TFDP1: variants seen among roughly 807,000 people sequenced by gnomAD.
TFDP1 encodes transcription factor Dp-1, also known as DRTF1-polypeptide 1.
A neutral mutation model predicts 48.0 loss-of-function variants in TFDP1; 6 were observed. The ratio of observed to expected loss-of-function variants is 0.13; its 90% CI spans 0.07 to 0.25. The LOEUF is 0.25. Among genes scored for constraint, TFDP1 ranks in the 10% least tolerant of loss-of-function variants. The probability of loss-of-function intolerance (pLI) is 1.00; values close to 1 mark genes in which losing one functional copy is unlikely to be tolerated. For missense variants in TFDP1, 335 were observed against 543.0 expected (o/e 0.62, Z 3.81); for synonymous variants, 201 against 211.6 (o/e 0.95, Z 0.44).
chr13:113,616,975 G>A (rs991079314), intron 3 of TFDP1, among the ~76,000 whole-genome samples: 2 of 152,196 alleles, frequency 1.3e-5, no homozygotes, highest in Non-Finnish European at 2.9e-5. Flanking sequence ...TTCTGTGGCC[G>A]TAACCCTTGT....
chr13:113,636,275 G>A, intron 9 of TFDP1, 147 bp downstream of exon 9: 1 of 1,203,216 alleles, frequency 8.3e-7, no homozygotes, highest in South Asian at 1.5e-5. Flanking sequence ...GGTGGTGGGA[G>A]GCTGCCGCCA....
Position 113,623,193 on chromosome 13 carries a change from C to T in TFDP1, c.93C>T (p.Leu31=), listed in dbSNP as rs376309894. The T allele has an allele frequency of 1.9e-5, 31 of 1,613,166 alleles. No homozygotes were observed. The highest frequency in any genetic ancestry group is 1.6e-4 in the East Asian group (7 of 44,830). Residue 31 remains leucine, a synonymous_variant, in exon 4 of 12, where the codon CTC becomes CTT. Coordinates refer to ENST00000375370, the MANE Select transcript of TFDP1 (RefSeq NM_007111.5). This position sits in a 1 kb window ranked among gnomAD's most constrained non-coding sequence, Gnocchi z 5.2. ...NLSPGKGVVS[L]VAVHPSTVNP... The stretch of plus-strand genomic sequence containing the variant: ...CTTGTGTTGCAGGCGTGGTGTCCCT[C>T]GTGGCCGTTCACCCCTCCACCGTCA...
At chr13:113,614,162 GTT>G (rs1491504577) in intron 3 of TFDP1, among the ~76,000 whole-genome samples, 9 of 151,782 alleles carry the variant, frequency 5.9e-5, no homozygotes, top group Admixed American at 3.9e-4. Context: ...ATGTGTGTGT[GTT>G]GTGTGCATGA....
intron 2 of TFDP1, among the ~76,000 whole-genome samples, chr13:113,589,390 A>G (rs1258633533): frequency 3.3e-5 from 5 of 152,114 alleles, no homozygotes; most frequent in Non-Finnish European, 4.4e-5. Flanking sequence ...GATCAAGATT[A>G]TGGGCTGCTC....
chr13:113,611,079 T>G lies in TFDP1; in HGVS notation c.79+17T>G. The G allele has an allele frequency of 6.2e-7, 1 of 1,609,296 alleles. No individual in the cohort carries two copies. The highest frequency in any genetic ancestry group is 8.5e-7 in the Non-Finnish European group (1 of 1,175,612). ...CCGGGAAAGGTAAGGGCACCTGTTC[T>G]GGACACACTCTTGTGTTGATGAATG... On this transcript the variant is annotated intron_variant, in intron 3 of 11. Coordinates refer to ENST00000375370, the MANE Select transcript of TFDP1 (RefSeq NM_007111.5).
chr13:113,608,673 T>C (rs1277262078), intron 2 of TFDP1, among the ~76,000 whole-genome samples: 1 of 152,216 alleles, frequency 6.6e-6, no homozygotes, highest in Non-Finnish European at 1.5e-5. Flanking sequence ...CTGGCTGTTC[T>C]CTCCTGGCTG....
Position 113,638,215 on chromosome 13 carries a change from T to G in TFDP1, c.1085+319T>G, listed in dbSNP as rs900431136. 2.6e-5 allele frequency among the ~76,000 whole-genome samples: 4 copies of G among 152,066 alleles called. No individual in the cohort carries two copies. In the East Asian group the frequency reaches 5.8e-4, roughly 22 times the overall value. ...CCAAGTAACAGCAAGTATTTCCAGG[T>G]TTTTTTTCCCATTTTTCAGAACGCG... On this transcript the variant is annotated intron_variant, in intron 11 of 11. Transcript: ENST00000375370.
At chr13:113,624,620 T>C (rs1309526197) in intron 4 of TFDP1, among the ~76,000 whole-genome samples, 4 of 147,342 alleles carry the variant, frequency 2.7e-5, no homozygotes, top group Middle Eastern at 7.5e-3. Context: ...ATCTCTCACA[T>C]GTCTTCAGGT....
At chr13:113,626,084 C>CT (rs1263570171) in intron 4 of TFDP1, among the ~76,000 whole-genome samples, 2 of 141,444 alleles carry the variant, frequency 1.4e-5, no homozygotes, top group East Asian at 2.4e-4. Flanking sequence ...TCTCACGTGT[C>CT]CTCAGGTGTT....
intron 2 of TFDP1, among the ~76,000 whole-genome samples, chr13:113,605,148 G>C (rs574588983): frequency 1.3e-5 from 2 of 151,572 alleles, no homozygotes; most frequent in Non-Finnish European, 2.9e-5. Flanking sequence ...CAGTTGGGGC[G>C]GGGGGGCGTC....
rs193171033 is a variant in TFDP1, at chr13:113,590,620, G to T, written c.12+4771G>T. ...AAGTGTTGAAGAAATCTATGATGAC[G>T]TGCTTGTTTTTACAAGAGTCTTTTC... On this transcript the variant is annotated intron_variant, in intron 2 of 11. Transcript: ENST00000375370. Among the ~76,000 whole-genome samples the T allele has an allele frequency of 3.5e-4, 54 of 152,256 alleles. No homozygotes were observed. In the East Asian group the frequency reaches 6.9e-3, roughly 20 times the overall value.
At chr13:113,629,482 C>G (rs2049276720) in intron 4 of TFDP1, among the ~76,000 whole-genome samples, 1 of 152,222 alleles carries the variant, frequency 6.6e-6, no homozygotes. Flanking sequence ...AAGCAACATG[C>G]ATTCAGTGGA....
chr13:113,640,705 G>T lies in TFDP1; in HGVS notation c.*438G>T. The T allele has an allele frequency of 4.2e-6, 1 of 238,588 alleles. No homozygotes were observed. The highest frequency in any genetic ancestry group is 8.1e-6 in the Non-Finnish European group (1 of 122,900). The allele number at this position is 238,588 out of a possible 1,614,324, so 14.8% of individuals were successfully genotyped here. On this transcript the variant is annotated 3_prime_UTR_variant, in exon 12 of 12. Coordinates refer to ENST00000375370, the MANE Select transcript of TFDP1 (RefSeq NM_007111.5). Reference sequence around the variant, plus strand: ...CCCTGCTGGCGGATAGCAAGACTCTGTGGAGTTTGTTCAGTGGTACGGTGT... The same window carrying T: ...CCCTGCTGGCGGATAGCAAGACTCTTTGGAGTTTGTTCAGTGGTACGGTGT...
chr13:113,619,481 CAAAA>C (rs1162300447), intron 3 of TFDP1, among the ~76,000 whole-genome samples: 8 of 110,516 alleles, frequency 7.2e-5, no homozygotes, highest in African/African-American at 2.0e-4. Context: ...AAAAAAAAAA[CAAAA>C]AAAAAAAAAA....
At chr13:113,615,379 C>T (rs2048831675) in intron 3 of TFDP1, among the ~76,000 whole-genome samples, 1 of 152,222 alleles carries the variant, frequency 6.6e-6, no homozygotes, top group Non-Finnish European at 1.5e-5. Context: ...TTTCCTCTCG[C>T]TTTGCCTGGT....
At chr13:113,625,999 TCC>T in intron 4 of TFDP1, among the ~76,000 whole-genome samples, 1 of 149,212 alleles carries the variant, frequency 6.7e-6, no homozygotes, top group Non-Finnish European at 1.5e-5. Context: ...CTCTCACGTG[TCC>T]TCAGGTGTCT....
At position 113,633,124 on chromosome 13, in the gene TFDP1, C is replaced by A. The variant is rs765070850; in HGVS notation, c.313C>A (p.Arg105Ser). The change falls in exon 6 of 12, where the codon CGC (arginine) becomes AGC (serine). Residue 105 changes from arginine (R) to serine (S), a missense_variant. By Grantham distance (110) the Arg-to-Ser change is moderately radical. Coordinates refer to ENST00000375370, the MANE Select transcript of TFDP1 (RefSeq NM_007111.5). The surrounding 1 kb of genome is among the most constrained non-coding windows in gnomAD (Gnocchi z 4.5). The stretch of plus-strand genomic sequence containing the variant: ...CTTTTCCTTTGTATTTTGAAGGAAG[C>A]GCAACAGGAAAGGAGAGAAGAATGG... ...SDSSPWSAGK[R>S]NRKGEKNGKG... The A allele has an allele frequency of 3.1e-6, 5 of 1,613,746 alleles. No individual in the cohort carries two copies. In the African/African-American group the frequency reaches 6.7e-5, roughly 22 times the overall value.
chr13:113,633,135 A>G lies in TFDP1; in HGVS notation c.324A>G (p.Lys108=). The change falls in exon 6 of 12, where the codon AAA becomes AAG. Residue 108 remains lysine, a synonymous_variant. Transcript: ENST00000375370. This position sits in a 1 kb window ranked among gnomAD's most constrained non-coding sequence, Gnocchi z 4.5. ...TATTTTGAAGGAAGCGCAACAGGAA[A>G]GGAGAGAAGAATGGCAAGGGCCTAC... ...SPWSAGKRNR[K]GEKNGKGLRH... 6.2e-7 allele frequency: 1 copy of G among 1,614,184 alleles called. No homozygotes were observed. Among genetic ancestry groups the G allele is most frequent in the Non-Finnish European group, 8.5e-7 (1 of 1,180,014 alleles).
In TFDP1 at chr13:113,627,122, A is replaced by G. The variant is rs1240977426; in HGVS notation, c.186+3836A>G. 6.6e-6 allele frequency among the ~76,000 whole-genome samples: 1 copy of G among 152,262 alleles called. No homozygotes were observed. The highest frequency in any genetic ancestry group is 1.5e-5 in the Non-Finnish European group (1 of 68,050). On this transcript the variant is annotated intron_variant, in intron 4 of 11. Coordinates refer to ENST00000375370, the MANE Select transcript of TFDP1 (RefSeq NM_007111.5). The surrounding 1 kb of genome is among the most constrained non-coding windows in gnomAD (Gnocchi z 4.1). ...AAACCTTTTTATATACCAGAGGTTT[A>G]CAAAAAACTGGACTGGCTCATTCTG...
Sources: allele counts gnomAD v4.1 joint callset (sites outside exome capture counted in the v4.1 genomes callset), GRCh38; gene constraint gnomAD v4.1.1; non-coding constraint Gnocchi (gnomAD v3.1); transcripts MANE v1.5; gene names NCBI Gene and HGNC (gene_info 2026-07-23, HGNC 2026-07-21).